SLC1A2: variants seen among roughly 807,000 people sequenced by gnomAD.
The protein encoded by SLC1A2 is excitatory amino acid transporter 2.
In SLC1A2, 15 loss-of-function variants were observed where a neutral mutation model predicts 48.8. That is an observed-to-expected ratio of 0.31 (90% CI 0.21 to 0.47). The LOEUF (loss-of-function observed/expected upper bound fraction) is 0.47, where lower values mean the gene tolerates loss of function less well. Among genes scored for constraint, SLC1A2 ranks in the 20% least tolerant of loss-of-function variants. The pLI, the probability that SLC1A2 is intolerant of heterozygous loss-of-function variation, is 0.99. For synonymous variants in SLC1A2, 279 were observed against 272.6 expected (o/e 1.02, Z -0.23); for missense variants, 502 against 730.5 (o/e 0.69, Z 3.61).
At chr11:35,370,711 C>A (rs1275798758) in intron 1 of SLC1A2, among the ~76,000 whole-genome samples, 1 of 151,882 alleles carries the variant, frequency 6.6e-6, no homozygotes, top group African/African-American at 2.4e-5. Context: ...TGCATCTTTC[C>A]ATCTTATGTG....
chr11:35,341,081 T>C (rs1286101937), intron 1 of SLC1A2, among the ~76,000 whole-genome samples: 1 of 152,198 alleles, frequency 6.6e-6, no homozygotes, highest in Non-Finnish European at 1.5e-5. Context: ...CTTGTCAAAA[T>C]ATTTTTTAAA....
intron 8 of SLC1A2, among the ~76,000 whole-genome samples, chr11:35,284,192 G>T (rs1353308031): frequency 6.6e-6 from 1 of 150,924 alleles, no homozygotes; most frequent in Non-Finnish European, 1.5e-5. Flanking sequence ...CCAGAGTAAG[G>T]TGGCCTGGGT....
intron 9 of SLC1A2, among the ~76,000 whole-genome samples, chr11:35,272,537 C>G (rs984064046): frequency 2.0e-5 from 3 of 152,294 alleles, no homozygotes; most frequent in African/African-American, 7.2e-5. Flanking sequence ...GAATGTCTGA[C>G]CAACTCTGGG....
chr11:35,280,141 A>G (rs1405300694), intron 9 of SLC1A2, among the ~76,000 whole-genome samples: 3 of 152,036 alleles, frequency 2.0e-5, no homozygotes, highest in Non-Finnish European at 4.4e-5. Context: ...TACCTGGCCC[A>G]AGAAACCACT....
intron 1 of SLC1A2, among the ~76,000 whole-genome samples, chr11:35,385,638 T>A (rs1421791363): frequency 1.3e-5 from 2 of 152,222 alleles, no homozygotes; most frequent in African/African-American, 2.4e-5. Context: ...TGACTTGATC[T>A]TTCCCCAAGA....
chr11:35,298,888 C>G (rs772075694), intron 6 of SLC1A2: 3 of 152,162 alleles, frequency 2.0e-5, no homozygotes, highest in Non-Finnish European at 4.4e-5. Context: ...TTATTGGCAT[C>G]ATATTACAGA....
intron 4 of SLC1A2, among the ~76,000 whole-genome samples, chr11:35,311,897 G>GGAGAGAGAGAGAGAGAGAGAGAGAGA (rs1213084635): frequency 3.9e-5 from 1 of 25,700 alleles, no homozygotes. Context: ...AGAGAGGGAG[G>GGAGAGAGAGAGAGAGAGAGAGAGAGA]GAGAGAGAGA....
intron 1 of SLC1A2, among the ~76,000 whole-genome samples, chr11:35,374,638 A>C (rs535779231): frequency 5.9e-5 from 9 of 152,222 alleles, no homozygotes; most frequent in African/African-American, 2.2e-4. Context: ...TAAGCAAAAA[A>C]GTCCTCTCAT....
In SLC1A2 at chr11:35,265,657, T is replaced by C; in HGVS notation, c.1523A>G (p.His508Arg). The C allele has an allele frequency of 1.2e-6, 2 of 1,613,182 alleles. No homozygotes were observed. Among genetic ancestry groups the C allele is most frequent in the African/African-American group, 2.7e-5 (2 of 75,056 alleles). The change falls in exon 10 of 11, where the codon CAT becomes CGT. Residue 508 changes from histidine (H) to arginine (R), a missense_variant. By Grantham distance (29) the His-to-Arg change is conservative. Around this residue, in one of 4 missense-constraint regions of SLC1A2, gnomAD observed 102 missense variants for 107.2 expected, o/e 0.95. Transcript: ENST00000278379. Reference sequence around the variant, plus strand: ...CATTTCAATATCTTCATGCACTCGATGCTGGGAGTCAATGGTATCCAGCTC... The same window carrying C: ...CATTTCAATATCTTCATGCACTCGACGCTGGGAGTCAATGGTATCCAGCTC... ...KSELDTIDSQ[H>R]RVHEDIEMTK...
Position 35,303,478 on chromosome 11 carries a change from T to C in SLC1A2, c.731-1833A>G, listed in dbSNP as rs558050911. 1.3e-4 allele frequency among the ~76,000 whole-genome samples: 20 copies of C among 152,316 alleles called. No individual in the cohort carries two copies. The East Asian group carries it at 1.3e-3, about 10-fold the overall frequency. Reference sequence around the variant, plus strand: ...AGAGGGAACTAGTTCCGCAGTAATGTACAAAATCAATTTCAGGCCATTCCC... The same window carrying C: ...AGAGGGAACTAGTTCCGCAGTAATGCACAAAATCAATTTCAGGCCATTCCC... On this transcript the variant is annotated intron_variant, in intron 5 of 10. Transcript: ENST00000278379.
chr11:35,408,742 G>T (rs888638657), intron 1 of SLC1A2, among the ~76,000 whole-genome samples: 1 of 152,158 alleles, frequency 6.6e-6, no homozygotes, highest in Non-Finnish European at 1.5e-5. Context: ...ATCTGACAGT[G>T]AATAGTGAAT....
At chr11:35,338,082 A>T (rs1415488000) in intron 1 of SLC1A2, among the ~76,000 whole-genome samples, 1 of 152,222 alleles carries the variant, frequency 6.6e-6, no homozygotes, top group African/African-American at 2.4e-5. Flanking sequence ...TGCATAGATC[A>T]GGAGTTGGCA....
At chr11:35,368,994 C>G (rs969614363) in intron 1 of SLC1A2, among the ~76,000 whole-genome samples, 2 of 152,226 alleles carry the variant, frequency 1.3e-5, no homozygotes, top group Non-Finnish European at 2.9e-5. Context: ...CATTTCTACA[C>G]TTCTTGCCTG....
chr11:35,357,636 A>G (rs1218202426), intron 1 of SLC1A2, among the ~76,000 whole-genome samples: 8 of 152,240 alleles, frequency 5.3e-5, no homozygotes, highest in Non-Finnish European at 7.3e-5. Context: ...CACCACAGCA[A>G]TAGTGAAGTA....
intron 9 of SLC1A2, among the ~76,000 whole-genome samples, chr11:35,274,765 T>C (rs2134655748): frequency 6.6e-6 from 1 of 152,376 alleles, no homozygotes; most frequent in African/African-American, 2.4e-5. Flanking sequence ...ATAATACTAT[T>C]AGTTGCTTCA....
chr11:35,355,183 C>G (rs144751709), intron 1 of SLC1A2, among the ~76,000 whole-genome samples: 111 of 152,280 alleles, frequency 7.3e-4, no homozygotes, highest in African/African-American at 2.6e-3. Context: ...AATGTGAGTT[C>G]AAACTCTTCT....
chr11:35,408,073 T>C (rs1011593022), intron 1 of SLC1A2, among the ~76,000 whole-genome samples: 1 of 152,200 alleles, frequency 6.6e-6, no homozygotes, highest in Non-Finnish European at 1.5e-5. Context: ...TGAATTCCTT[T>C]TTCTGCACTT....
chr11:35,332,182 A>C (rs1263194764), intron 1 of SLC1A2, among the ~76,000 whole-genome samples: 1 of 152,214 alleles, frequency 6.6e-6, no homozygotes, highest in Non-Finnish European at 1.5e-5. Flanking sequence ...AATTACCACA[A>C]GTGATCATGA....
chr11:35,261,830 T>A (rs1950398954), intron 10 of SLC1A2: 1 of 397,774 alleles, frequency 2.5e-6, no homozygotes, highest in South Asian at 1.3e-4. Flanking sequence ...CAAGTGGAAG[T>A]GAAATGCATG....
Sources: gnomAD v4.1 joint callset for allele counts (sites outside exome capture counted in the v4.1 genomes callset) on GRCh38, gnomAD v4.1.1 for gene constraint, gnomAD v4.1.1 regional missense constraint, MANE v1.5 for transcripts, NCBI Gene and HGNC (gene_info 2026-07-23, HGNC 2026-07-21) for gene names.